BANK1: variants seen among roughly 807,000 people sequenced by gnomAD.
BANK1 encodes B cell scaffold protein with ankyrin repeats 1.
A neutral mutation model predicts 94.5 loss-of-function variants in BANK1; 95 were observed. The observed-to-expected ratio is 1.00, with a 90% confidence interval of 0.85 to 1.19. BANK1 has a LOEUF of 1.19. Among genes scored for constraint, BANK1 ranks in the 50% most tolerant of loss-of-function variants. The pLI, the probability that BANK1 is intolerant of heterozygous loss-of-function variation, is 0.00. For synonymous variants in BANK1, 334 were observed against 308.4 expected, an observed-to-expected ratio of 1.08 and a Z score of -0.87; for missense variants, 987 against 932.2, an observed-to-expected ratio of 1.06 and a Z score of -0.77.
chr4:101,860,432 T>A (rs201067390), intron 3 of BANK1, among the ~76,000 whole-genome samples: 1 of 148,304 alleles, frequency 6.7e-6, no homozygotes, highest in African/African-American at 2.5e-5. Flanking sequence ...CTTTTTTTTT[T>A]ATTTTTATTT....
At chr4:101,957,177 G>T (rs1560652122) in intron 7 of BANK1, among the ~76,000 whole-genome samples, 2 of 152,140 alleles carry the variant, frequency 1.3e-5, no homozygotes, top group Non-Finnish European at 2.9e-5. Context: ...ACCTGTCTAA[G>T]CTATATCTCT....
At chr4:102,057,919 CAT>C (rs1161335622) in intron 11 of BANK1, among the ~76,000 whole-genome samples, 1 of 151,988 alleles carries the variant, frequency 6.6e-6, no homozygotes, top group East Asian at 1.9e-4. Context: ...TAGAATAACA[CAT>C]ATTTTAAAAT....
At chr4:101,949,348 G>A (rs934218076) in intron 7 of BANK1, among the ~76,000 whole-genome samples, 6 of 152,068 alleles carry the variant, frequency 3.9e-5, no homozygotes, top group Non-Finnish European at 1.5e-5. Context: ...AATACACAAG[G>A]ACAGAATCAG....
At chr4:101,838,622 C>T (rs1726920419) in intron 2 of BANK1, among the ~76,000 whole-genome samples, 1 of 152,124 alleles carries the variant, frequency 6.6e-6, no homozygotes, top group South Asian at 2.1e-4. Flanking sequence ...TTTACTGTCT[C>T]TTATTATAAA....
chr4:101,887,091 C>T (rs1185107767), intron 5 of BANK1, among the ~76,000 whole-genome samples: 1 of 152,174 alleles, frequency 6.6e-6, no homozygotes, highest in Admixed American at 6.5e-5. Context: ...TGGGTGGAGT[C>T]ATGCTCTCTC....
At chr4:101,877,759 C>T (rs1394806871) in intron 5 of BANK1, among the ~76,000 whole-genome samples, 1 of 151,982 alleles carries the variant, frequency 6.6e-6, no homozygotes, top group Non-Finnish European at 1.5e-5. Context: ...GTGGCGGGTG[C>T]CTGTAATCCC....
intron 12 of BANK1, chr4:102,061,594 G>T (rs1728421180): frequency 6.6e-6 from 1 of 152,152 alleles, no homozygotes. Flanking sequence ...TATAGATTTT[G>T]TTGAAGTAAG....
At chr4:101,979,247 G>GA (rs1367814825) in intron 7 of BANK1, among the ~76,000 whole-genome samples, 7 of 151,308 alleles carry the variant, frequency 4.6e-5, no homozygotes, top group East Asian at 1.9e-4. Context: ...GCTTTCTTAA[G>GA]AAAAAAAACA....
Position 101,919,566 on chromosome 4 carries a change from T to G in BANK1, c.1206+1377T>G, listed in dbSNP as rs17031808. 4.7e-3 allele frequency among the ~76,000 whole-genome samples: 713 copies of G among 152,162 alleles called. 13 individuals carry two copies. In the East Asian group the frequency reaches 0.057, roughly 12 times the overall value. ...ACCTCTGCTCCTGCAATAACAGCAC[T>G]GATAGAATTTGATTGCTATCATTGT... On this transcript the variant is annotated intron_variant, in intron 7 of 16. Coordinates refer to ENST00000322953, the MANE Select transcript of BANK1 (RefSeq NM_017935.5).
In BANK1 at chr4:101,963,522, T is replaced by C. The variant is rs371462238; in HGVS notation, c.1206+45333T>C. ...CACATATGCCATTTTTATTATATTT[T>C]CTAACTGGGTATTAGTAGCCAGCTT... On this transcript the variant is annotated intron_variant, in intron 7 of 16. Coordinates refer to ENST00000322953, the MANE Select transcript of BANK1 (RefSeq NM_017935.5). Among the ~76,000 whole-genome samples the C allele has an allele frequency of 1.3e-3, 203 of 152,248 alleles. 1 individual carries two copies. Among genetic ancestry groups the C allele is most frequent in the Middle Eastern group, 3.4e-3 (1 of 294 alleles).
intron 7 of BANK1, among the ~76,000 whole-genome samples, chr4:101,926,120 C>A (rs1480692774): frequency 6.6e-6 from 1 of 151,594 alleles, no homozygotes; most frequent in African/African-American, 2.4e-5. Context: ...TTAATATAAT[C>A]CAATGTAGAT....
chr4:101,966,453 C>T (rs1724760776), intron 7 of BANK1, among the ~76,000 whole-genome samples: 1 of 151,984 alleles, frequency 6.6e-6, no homozygotes, highest in Non-Finnish European at 1.5e-5. Context: ...TTGTGATAGA[C>T]ATCTTGGAGA....
chr4:101,887,018 C>T (rs1284559759), intron 5 of BANK1, among the ~76,000 whole-genome samples: 1 of 152,124 alleles, frequency 6.6e-6, no homozygotes, highest in Non-Finnish European at 1.5e-5. Flanking sequence ...CTAAGTGTTG[C>T]CCAATGGCAT....
In BANK1 at chr4:102,053,389, T is replaced by TAACTTAC. The variant is rs199611271; in HGVS notation, c.1970-6820_1970-6814dup. On this transcript the variant is annotated intron_variant, in intron 11 of 16. Transcript: ENST00000322953. ...TCTTAAAAGTATTGAGCAAGTACTT[T>TAACTTAC]AACTTACATTTTCTACTAAAATAAA... is the stretch of plus-strand genomic sequence containing the variant. 1.1e-3 allele frequency among the ~76,000 whole-genome samples: 175 copies of TAACTTAC among 152,264 alleles called. 2 individuals are homozygous for TAACTTAC. The East Asian group carries it at 0.031, about 27-fold the overall frequency.
chr4:101,951,966 G>C (rs1270101438), intron 7 of BANK1, among the ~76,000 whole-genome samples: 1 of 151,958 alleles, frequency 6.6e-6, no homozygotes, highest in Non-Finnish European at 1.5e-5. Flanking sequence ...GCCACATGCT[G>C]TTTTACTATA....
chr4:101,862,425 C>G, intron 3 of BANK1, 101 bp from the exon 4 acceptor site: 2 of 882,070 alleles, frequency 2.3e-6, no homozygotes, highest in Non-Finnish European at 3.2e-6. Flanking sequence ...AAGACTTATT[C>G]AATAATAGTG....
At chr4:101,918,528 G>A (rs1722903846) in intron 7 of BANK1, among the ~76,000 whole-genome samples, 1 of 151,912 alleles carries the variant, frequency 6.6e-6, no homozygotes, top group South Asian at 2.1e-4. Flanking sequence ...TTGTAAGAAT[G>A]TAACCAAAGA....
At chr4:102,030,743 T>C (rs1427203243) in intron 10 of BANK1, among the ~76,000 whole-genome samples, 1 of 152,158 alleles carries the variant, frequency 6.6e-6, no homozygotes, top group Non-Finnish European at 1.5e-5. Context: ...TCCAGCATCA[T>C]CCATGTCCCT....
chr4:101,914,258 C>T (rs907907438), intron 6 of BANK1, among the ~76,000 whole-genome samples: 8 of 152,124 alleles, frequency 5.3e-5, no homozygotes, highest in Admixed American at 2.0e-4. Context: ...AGAGATAGCC[C>T]GGGAGAAGCT....
Sources: gnomAD v4.1 joint callset for allele counts (sites outside exome capture counted in the v4.1 genomes callset) on GRCh38, gnomAD v4.1.1 for gene constraint, MANE v1.5 for transcripts, NCBI Gene and HGNC (gene_info 2026-07-23, HGNC 2026-07-21) for gene names.